The following RAP1GDS1 variants were observed in gnomAD, a reference collection of about 807,000 sequenced individuals.
RAP1GDS1 encodes RAP1, GTP-GDP dissociation stimulator 1.
A neutral mutation model predicts 71.1 loss-of-function variants in RAP1GDS1; 35 were observed. That is an observed-to-expected ratio of 0.49 (90% CI 0.38 to 0.65). The LOEUF (loss-of-function observed/expected upper bound fraction) is 0.65, where lower values mean the gene tolerates loss of function less well. RAP1GDS1 is among the 30% of genes least tolerant of loss of function. The probability of loss-of-function intolerance (pLI) is 0.00; values close to 1 mark genes in which losing one functional copy is unlikely to be tolerated. For missense variants in RAP1GDS1, 663 were observed against 706.1 expected (o/e 0.94, Z 0.69); for synonymous variants, 229 against 243.1 (o/e 0.94, Z 0.54).
At chr4:98,294,354 G>T (rs536680047) in intron 2 of RAP1GDS1, among the ~76,000 whole-genome samples, 1 of 151,792 alleles carries the variant, frequency 6.6e-6, no homozygotes, top group East Asian at 1.9e-4. Context: ...ATTGATATAT[G>T]TTTTTTTTAT....
intron 12 of RAP1GDS1, among the ~76,000 whole-genome samples, chr4:98,426,053 GA>G (rs1749561565): frequency 1.3e-5 from 2 of 152,030 alleles, no homozygotes; most frequent in African/African-American, 4.8e-5. Context: ...AATAAAACTG[GA>G]AATCAACTCC....
intron 2 of RAP1GDS1, among the ~76,000 whole-genome samples, chr4:98,317,859 TG>T (rs1274528911): frequency 6.6e-6 from 1 of 150,464 alleles, no homozygotes. Flanking sequence ...TTTTTTTTTT[TG>T]AGACAGAATC....
chr4:98,357,251 C>G (rs1470780132), intron 4 of RAP1GDS1, among the ~76,000 whole-genome samples: 2 of 151,866 alleles, frequency 1.3e-5, no homozygotes, highest in Non-Finnish European at 2.9e-5. Flanking sequence ...AAGTCTCATG[C>G]AAGTCTTTGT....
At chr4:98,321,065 G>C (rs1731784842) in intron 2 of RAP1GDS1, among the ~76,000 whole-genome samples, 1 of 146,160 alleles carries the variant, frequency 6.8e-6, no homozygotes, top group East Asian at 2.0e-4. Flanking sequence ...CCAATACAGA[G>C]AAGTGCTTAA....
Position 98,433,958 on chromosome 4 carries a change from A to G in RAP1GDS1, c.1463A>G (p.Gln488Arg). The change falls in exon 13 of 15, where the codon CAG becomes CGG. Residue 488 changes from glutamine (Q) to arginine (R), a missense_variant. Physicochemically the swap from Gln to Arg is conservative, Grantham distance 43. Transcript: ENST00000408927. ...KSKDVIKTIV[Q>R]SGGIKHLVTM... The stretch of plus-strand genomic sequence containing the variant: ...TAGGATGTAATTAAAACCATTGTGC[A>G]GAGTGGTGGCATCAAGCATCTAGTT... The G allele has an allele frequency of 6.2e-7, 1 of 1,608,522 alleles. No homozygotes were observed. The highest frequency in any genetic ancestry group is 8.5e-7 in the Non-Finnish European group (1 of 1,174,884).
chr4:98,418,216 A>G (rs1368546753), intron 9 of RAP1GDS1, among the ~76,000 whole-genome samples: 2 of 152,126 alleles, frequency 1.3e-5, no homozygotes, highest in Non-Finnish European at 2.9e-5. Context: ...TTGAAACTAG[A>G]TATGGGGTAA....
chr4:98,273,203 T>C (rs1350493160), intron 1 of RAP1GDS1, among the ~76,000 whole-genome samples: 1 of 152,166 alleles, frequency 6.6e-6, no homozygotes, highest in South Asian at 2.1e-4. Context: ...TTGCTAGTTG[T>C]CTCCGCTGCT....
Position 98,343,280 on chromosome 4 carries a change from A to T in RAP1GDS1, c.235+19A>T. ...AAAAATGGTGAGGTTTACCTCAAGA[A>T]CTTTTCTGCTGGGAACGTCTTCAGT... On this transcript the variant is annotated intron_variant, in intron 3 of 14. Coordinates refer to ENST00000408927, the MANE Select transcript of RAP1GDS1 (RefSeq NM_001100427.2). 1 of 1,579,540 alleles carries T rather than the reference A, an allele frequency of 6.3e-7. No homozygotes were observed. Among genetic ancestry groups the T allele is most frequent in the South Asian group, 1.1e-5 (1 of 90,210 alleles).
At chr4:98,365,448 C>T (rs903569251) in intron 4 of RAP1GDS1, among the ~76,000 whole-genome samples, 2 of 151,976 alleles carry the variant, frequency 1.3e-5, no homozygotes, top group African/African-American at 2.4e-5. Context: ...AACCCCCTAT[C>T]CCCTCTCTAC....
At chr4:98,267,368 G>T (rs1197679651) in intron 1 of RAP1GDS1, among the ~76,000 whole-genome samples, 1 of 152,058 alleles carries the variant, frequency 6.6e-6, no homozygotes, top group South Asian at 2.1e-4. Context: ...TTTTACATGG[G>T]CATGTTATGT....
At chr4:98,414,591 C>G (rs1031829530) in intron 7 of RAP1GDS1, among the ~76,000 whole-genome samples, 1 of 149,970 alleles carries the variant, frequency 6.7e-6, no homozygotes, top group Non-Finnish European at 1.5e-5. Flanking sequence ...GTTTTGGTAC[C>G]AGTACCATGC....
chr4:98,322,759 G>A (rs1451676897), intron 2 of RAP1GDS1, among the ~76,000 whole-genome samples: 44 of 126,532 alleles, frequency 3.5e-4, no homozygotes, highest in African/African-American at 1.2e-3. Context: ...TCTCTGGGAC[G>A]CATTCAAAGC....
At chr4:98,268,988 A>G (rs1723067986) in intron 1 of RAP1GDS1, among the ~76,000 whole-genome samples, 1 of 152,064 alleles carries the variant, frequency 6.6e-6, no homozygotes, top group Non-Finnish European at 1.5e-5. Context: ...AAAAGATCTG[A>G]ATAGCCAGAA....
At chr4:98,267,572 C>G (rs188086185) in intron 1 of RAP1GDS1, among the ~76,000 whole-genome samples, 2 of 152,094 alleles carry the variant, frequency 1.3e-5, no homozygotes, top group Admixed American at 6.6e-5. Context: ...GCTTAGCTTC[C>G]GCTTATAAAT....
intron 12 of RAP1GDS1, among the ~76,000 whole-genome samples, chr4:98,428,158 A>G (rs1433036028): frequency 6.6e-6 from 1 of 152,138 alleles, no homozygotes; most frequent in African/African-American, 2.4e-5. Context: ...GGAAGAATAA[A>G]ACTGTTGCCT....
intron 4 of RAP1GDS1, among the ~76,000 whole-genome samples, chr4:98,377,878 C>G (rs566191550): frequency 6.6e-6 from 1 of 151,870 alleles, no homozygotes; most frequent in East Asian, 1.9e-4. Flanking sequence ...CCAAATTTAG[C>G]TACTGAGCAA....
chr4:98,371,837 A>T (rs1740432571), intron 4 of RAP1GDS1, among the ~76,000 whole-genome samples: 1 of 152,174 alleles, frequency 6.6e-6, no homozygotes, highest in African/African-American at 2.4e-5. Flanking sequence ...TGCATGGTAT[A>T]TCTTTTACCA....
At chr4:98,282,500 TTTC>T (rs1257903887) in intron 1 of RAP1GDS1, among the ~76,000 whole-genome samples, 1 of 152,136 alleles carries the variant, frequency 6.6e-6, no homozygotes, top group African/African-American at 2.4e-5. Context: ...TCTGCTCTCT[TTTC>T]TTCTTTATTA....
At chr4:98,401,377 T>C (rs932920811) in intron 6 of RAP1GDS1, among the ~76,000 whole-genome samples, 3 of 152,146 alleles carry the variant, frequency 2.0e-5, no homozygotes, top group African/African-American at 7.2e-5. Context: ...ATTAGAAAGA[T>C]GATGGAGAGT....
Sources: gnomAD v4.1 joint callset for allele counts (sites outside exome capture counted in the v4.1 genomes callset) on GRCh38, gnomAD v4.1.1 for gene constraint, MANE v1.5 for transcripts, NCBI Gene and HGNC (gene_info 2026-07-23, HGNC 2026-07-21) for gene names.